DOP1A: variants seen among roughly 807,000 people sequenced by gnomAD.
DOP1A encodes protein DOP1A.
Under a neutral mutation model 267.6 loss-of-function variants are expected in DOP1A, and 90 were observed. The observed-to-expected ratio is 0.34, with a 90% CI of 0.28 to 0.40. DOP1A has a LOEUF of 0.40. DOP1A is among the 10% of genes least tolerant of loss of function. The pLI is 1.00. For missense variants in DOP1A, 2,437 were observed against 2,900.4 expected, an observed-to-expected ratio of 0.84 and a Z score of 3.67; for synonymous variants, 932 against 999.1, an observed-to-expected ratio of 0.93 and a Z score of 1.27.
At chr6:83,161,403 G>T (rs918169456) in intron 37 of DOP1A, among the ~76,000 whole-genome samples, 1 of 152,058 alleles carries the variant, frequency 6.6e-6, no homozygotes. Flanking sequence ...CAAAATACTT[G>T]ATAAGTTTAC....
chr6:83,170,305 T>C (rs771554844), downstream of DOP1A: 11 of 1,614,034 alleles, frequency 6.8e-6, no homozygotes, highest in Non-Finnish European at 9.3e-6. Context: ...CCCAGCTTAC[T>C]TGTGAGTCTG....
rs1767846846 is a variant in DOP1A, at chr6:83,080,194, T to A, written c.-147+12415T>A. On this transcript the variant is annotated intron_variant, in intron 1 of 38. Coordinates refer to ENST00000349129, the MANE Select transcript of DOP1A (RefSeq NM_015018.4). ...CACAGTGAAATCAAACATTTTAATG[T>A]TAGGAAAAACAAAACATTAGAAAGA... Among the ~76,000 whole-genome samples the A allele has an allele frequency of 2.6e-5, 4 of 152,094 alleles. No homozygotes were observed. The South Asian group carries it at 8.3e-4, about 32-fold the overall frequency.
At position 83,097,121 on chromosome 6, in the gene DOP1A, T is replaced by A. The variant is rs776801221; in HGVS notation, c.138+6T>A. 2 of 1,613,420 alleles carry A rather than the reference T, an allele frequency of 1.2e-6. No homozygotes were observed. Among genetic ancestry groups the A allele is most frequent in the Admixed American group, 3.3e-5 (2 of 59,932 alleles). ...CACTTGGAAAACTTAATAAGGTATG[T>A]CTGTATTATCCATTTCATAAAAGGA... is the stretch of plus-strand genomic sequence containing the variant. On this transcript the variant is annotated splice_donor_region_variant and intron_variant, in intron 3 of 38. Coordinates refer to ENST00000349129, the MANE Select transcript of DOP1A (RefSeq NM_015018.4).
At chr6:83,163,411 G>A (rs577049454) in intron 38 of DOP1A, among the ~76,000 whole-genome samples, 3 of 152,198 alleles carry the variant, frequency 2.0e-5, no homozygotes, top group African/African-American at 7.2e-5. Context: ...TAATCAATGG[G>A]TAAGAAGATT....
intron 3 of DOP1A, among the ~76,000 whole-genome samples, chr6:83,098,376 C>G (rs927948975): frequency 6.6e-6 from 1 of 152,116 alleles, no homozygotes; most frequent in Non-Finnish European, 1.5e-5. Flanking sequence ...ACAGTAGATA[C>G]CAGCTGGATG....
In DOP1A at chr6:83,129,097, G is replaced by C. The variant is rs755496709; in HGVS notation, c.1930G>C (p.Val644Leu). 18 of 1,613,960 alleles carry C rather than the reference G, an allele frequency of 1.1e-5. No homozygotes were observed. In the South Asian group the frequency reaches 2.0e-4, roughly 18 times the overall value. ...TSSETETASTVGSEETIIQTP... is the reference protein window; with the variant it reads ...TSSETETASTLGSEETIIQTP... ...CTCTGAGACAGAAACAGCATCCACT[G>C]TGGGATCTGAAGAAACCATCATCCA... The change falls in exon 16 of 39, where the codon GTG (valine) becomes CTG (leucine). Residue 644 changes from valine to leucine, a missense_variant. Physicochemically the swap from Val to Leu is conservative, Grantham distance 32. This residue lies in a region of DOP1A where 498 missense variants were observed against 513.5 expected (regional missense o/e 0.97). Coordinates refer to ENST00000349129, the MANE Select transcript of DOP1A (RefSeq NM_015018.4).
chr6:83,135,956 T>C, intron 20 of DOP1A, 78 bp downstream of exon 20: 1 of 1,490,206 alleles, frequency 6.7e-7, no homozygotes, highest in Non-Finnish European at 9.0e-7. Context: ...CAGTAATTGT[T>C]GAAAGAACTG....
At chr6:83,131,299 G>T (rs1388350229) in intron 17 of DOP1A, among the ~76,000 whole-genome samples, 1 of 152,014 alleles carries the variant, frequency 6.6e-6, no homozygotes, top group East Asian at 1.9e-4. Context: ...TGCCCCTTCA[G>T]ATATTTCCTC....
chr6:83,096,561 G>A (rs569031756), intron 1 of DOP1A, among the ~76,000 whole-genome samples, 170 bp from the exon 2 acceptor site: 2 of 151,424 alleles, frequency 1.3e-5, no homozygotes, highest in South Asian at 4.2e-4. Flanking sequence ...AATCTAACCA[G>A]ACTTAATGTA....
Position 83,124,735 on chromosome 6 carries a change from A to G in DOP1A, c.1371A>G (p.Gly457=). ...CACTGCATGTGAGACTTCAGATTGG[A>G]CCTGGAGATAGTAATGACTCATCTG... is the stretch of plus-strand genomic sequence containing the variant. The part of the protein sequence containing the change: ...RRTLHVRLQI[G]PGDSNDSSEL... Residue 457 remains glycine (G), a synonymous_variant, in exon 13 of 39, where the codon GGA becomes GGG. Transcript: ENST00000349129. The G allele has an allele frequency of 6.2e-7, 1 of 1,613,018 alleles. No individual in the cohort carries two copies. The highest frequency in any genetic ancestry group is 8.5e-7 in the Non-Finnish European group (1 of 1,179,514).
intron 1 of DOP1A, among the ~76,000 whole-genome samples, chr6:83,080,926 CA>C (rs1392581020): frequency 6.6e-6 from 1 of 152,050 alleles, no homozygotes; most frequent in Non-Finnish European, 1.5e-5. Context: ...TGTGGAACCA[CA>C]AAAGACCCCA....
intron 6 of DOP1A, among the ~76,000 whole-genome samples, chr6:83,112,182 C>G (rs1185839260): frequency 6.6e-6 from 1 of 151,856 alleles, no homozygotes; most frequent in Non-Finnish European, 1.5e-5. Context: ...AAGGAGTATT[C>G]TTTCTAATAT....
intron 20 of DOP1A, 119 bp from the exon 21 acceptor site, chr6:83,137,054 A>G (rs1442089806): frequency 3.0e-6 from 3 of 987,866 alleles, no homozygotes; most frequent in African/African-American, 3.3e-5. Context: ...AATTTTAGGA[A>G]AATATAAGTA....
Position 83,132,231 on chromosome 6 carries a change from A to G in DOP1A, c.2672A>G (p.Gln891Arg), listed in dbSNP as rs1038683108. Residue 891 changes from glutamine to arginine, a missense_variant, in exon 18 of 39, where the codon CAG becomes CGG. Transcript: ENST00000349129. ...QLGDGTPQHH[Q>R]KSVELFYQLH... ...GGAGATGGGACACCTCAGCATCACC[A>G]GAAGAGTGTGGAACTATTTTATCAA... 2 of 1,613,818 alleles carry G rather than the reference A, an allele frequency of 1.2e-6. No individual in the cohort carries two copies. Among genetic ancestry groups the G allele is most frequent in the Admixed American group, 3.3e-5 (2 of 60,004 alleles).
At chr6:83,157,757 TG>T (rs911294328) in intron 35 of DOP1A, among the ~76,000 whole-genome samples, 1 of 152,168 alleles carries the variant, frequency 6.6e-6, no homozygotes, top group Non-Finnish European at 1.5e-5. Context: ...CATTTAAACT[TG>T]CTTCAGAGAG....
Position 83,166,005 on chromosome 6 carries a change from C to T in DOP1A, c.7093-1857C>T, listed in dbSNP as rs895960813. On this transcript the variant is annotated intron_variant, in intron 38 of 38. Coordinates refer to ENST00000349129, the MANE Select transcript of DOP1A (RefSeq NM_015018.4). ...TTTGGCTTTGGGAAGTGCTTTGGAG[C>T]TTCTTTCAGTCCAGCCACTGAGCTG... The T allele has an allele frequency of 9.8e-6, 3 of 304,616 alleles. No homozygotes were observed. In the Admixed American group the frequency reaches 1.2e-4, roughly 12 times the overall value. The allele number at this position is 304,616 out of a possible 1,614,324, so 18.9% of individuals were successfully genotyped here.
chr6:83,157,564 G>A (rs1483733266), intron 35 of DOP1A, among the ~76,000 whole-genome samples: 3 of 152,188 alleles, frequency 2.0e-5, no homozygotes. Context: ...TCTTGGATCT[G>A]GTTTAGTGTT....
chr6:83,154,408 G>A, intron 33 of DOP1A, 167 bp downstream of exon 33: 2 of 609,312 alleles, frequency 3.3e-6, no homozygotes, highest in East Asian at 2.8e-5. Flanking sequence ...GTACGCTATG[G>A]GAATATAATC....
At chr6:83,075,267 G>C (rs770030388) in intron 1 of DOP1A, among the ~76,000 whole-genome samples, 3 of 152,138 alleles carry the variant, frequency 2.0e-5, no homozygotes, top group Non-Finnish European at 4.4e-5. Flanking sequence ...CCGTGGGTCA[G>C]GCACTTTTCT....
Sources: gnomAD v4.1 joint callset for allele counts (sites outside exome capture counted in the v4.1 genomes callset) on GRCh38, gnomAD v4.1.1 for gene constraint, gnomAD v4.1.1 regional missense constraint, MANE v1.5 for transcripts, NCBI Gene and HGNC (gene_info 2026-07-23, HGNC 2026-07-21) for gene names.